Variants in NEGR1 observed in about 807,000 individuals in gnomAD.
NEGR1 encodes the protein neuronal growth regulator 1.
In NEGR1, 10 loss-of-function variants were observed where a neutral mutation model predicts 40.9. The observed-to-expected ratio is 0.24, with a 90% CI of 0.15 to 0.42. NEGR1 has a LOEUF of 0.42. Ranked by LOEUF, NEGR1 falls within the 10% of genes least tolerant of loss-of-function variation. The probability of loss-of-function intolerance (pLI) is 1.00; values close to 1 mark genes in which losing one functional copy is unlikely to be tolerated. For missense variants in NEGR1, 352 were observed against 438.9 expected, an observed-to-expected ratio of 0.80 and a Z score of 1.77; for synonymous variants, 185 against 166.8, an observed-to-expected ratio of 1.11 and a Z score of -0.84.
At chr1:71,980,140 T>A (rs1469374993) in intron 1 of NEGR1, among the ~76,000 whole-genome samples, 1 of 152,002 alleles carries the variant, frequency 6.6e-6, no homozygotes, top group South Asian at 2.1e-4. Context: ...CAGACAGAAA[T>A]AGCCACAAGA....
At chr1:72,262,856 T>G (rs2100547420) in intron 1 of NEGR1, among the ~76,000 whole-genome samples, 1 of 152,066 alleles carries the variant, frequency 6.6e-6, no homozygotes, top group East Asian at 1.9e-4. Context: ...ATTTATTATG[T>G]GCATACCATA....
intron 6 of NEGR1, among the ~76,000 whole-genome samples, chr1:71,564,279 C>A (rs1446567134): frequency 6.6e-6 from 1 of 152,038 alleles, no homozygotes; most frequent in African/African-American, 2.4e-5. Flanking sequence ...ACATTATCAT[C>A]ACCACATACA....
At chr1:71,485,962 C>A (rs1006219085) in intron 6 of NEGR1, among the ~76,000 whole-genome samples, 1 of 151,490 alleles carries the variant, frequency 6.6e-6, no homozygotes, top group Non-Finnish European at 1.5e-5. Flanking sequence ...CCAAGGAGTG[C>A]AAATTTCTGG....
chr1:71,625,422 A>G lies in NEGR1; in HGVS notation c.668-14276T>C, dbSNP rs187090709. On this transcript the variant is annotated intron_variant, in intron 4 of 6. Transcript: ENST00000357731. The stretch of plus-strand genomic sequence containing the variant: ...TACAATAATAAAGCTACAACTAAAA[A>G]CAATACAGTGTAACAGCTATTTATA... Among the ~76,000 whole-genome samples the G allele has an allele frequency of 1.5e-3, 223 of 152,142 alleles. 1 individual carries two copies. The highest frequency in any genetic ancestry group is 3.3e-3 in the East Asian group (17 of 5,158).
At chr1:71,670,576 G>T (rs954661175) in intron 4 of NEGR1, among the ~76,000 whole-genome samples, 1 of 150,784 alleles carries the variant, frequency 6.6e-6, no homozygotes, top group South Asian at 2.1e-4. Flanking sequence ...TTTTTTTTGA[G>T]ATGGGGGTCT....
chr1:72,008,331 A>T (rs1356283232), intron 1 of NEGR1, among the ~76,000 whole-genome samples: 1 of 152,138 alleles, frequency 6.6e-6, no homozygotes, highest in African/African-American at 2.4e-5. Context: ...TTCCATCATT[A>T]AAAAGAAAGG....
chr1:72,133,604 T>C (rs972944169), intron 1 of NEGR1, among the ~76,000 whole-genome samples: 16 of 151,906 alleles, frequency 1.1e-4, no homozygotes, highest in Admixed American at 6.6e-5. Flanking sequence ...AATTCCCTCA[T>C]ATTTGAACTA....
intron 1 of NEGR1, among the ~76,000 whole-genome samples, chr1:72,122,408 C>T (rs1006168418): frequency 2.6e-5 from 4 of 151,218 alleles, no homozygotes; most frequent in African/African-American, 4.9e-5. Context: ...TCATATTTGG[C>T]AAAAAAAACT....
At chr1:71,765,376 A>G (rs1656085312) in intron 3 of NEGR1, among the ~76,000 whole-genome samples, 1 of 152,222 alleles carries the variant, frequency 6.6e-6, no homozygotes, top group Admixed American at 6.5e-5. Context: ...GGATGCAGAA[A>G]AACTTTCCAA....
chr1:72,143,920 T>TATATATATATC (rs1557548495), intron 1 of NEGR1, among the ~76,000 whole-genome samples: 8 of 105,242 alleles, frequency 7.6e-5, no homozygotes, highest in African/African-American at 4.0e-4. Context: ...ATATAATATA[T>TATATATATATC]ATATATATAT....
chr1:72,251,283 A>C (rs1398976101), intron 1 of NEGR1, among the ~76,000 whole-genome samples: 1 of 152,194 alleles, frequency 6.6e-6, no homozygotes, highest in Non-Finnish European at 1.5e-5. Context: ...TGATTTTTGA[A>C]GTAACTACTT....
rs1291655286 is a variant in NEGR1, at chr1:71,589,623, A to G, written c.940+3194T>C. On this transcript the variant is annotated intron_variant, in intron 6 of 6. Transcript: ENST00000357731. Reference sequence around the variant, plus strand: ...AATTTCATGCAAACTAAACATTAGCAGTTATCTAGATCCTTGCAACTCCCT... The same window carrying G: ...AATTTCATGCAAACTAAACATTAGCGGTTATCTAGATCCTTGCAACTCCCT... Among the ~76,000 whole-genome samples, 3 of 152,144 alleles carry G rather than the reference A, an allele frequency of 2.0e-5. No individual in the cohort carries two copies. In the East Asian group the frequency reaches 5.8e-4, roughly 29 times the overall value.
rs184390261 is a variant in NEGR1 at position 72,269,834 on chromosome 1, T to C, written c.176+12485A>G. ...AATGCATGTGACCTTTTAATATATA[T>C]GCATATATAATATATAGCATGTACA... On this transcript the variant is annotated intron_variant, in intron 1 of 6. Coordinates refer to ENST00000357731, the MANE Select transcript of NEGR1 (RefSeq NM_173808.3). Among the ~76,000 whole-genome samples, 5 of 151,830 alleles carry C rather than the reference T, an allele frequency of 3.3e-5. No individual in the cohort carries two copies. In the East Asian group the frequency reaches 9.7e-4, roughly 30 times the overall value.
Position 72,238,435 on chromosome 1 carries a change from C to T in NEGR1, c.176+43884G>A, listed in dbSNP as rs187630083. The stretch of plus-strand genomic sequence containing the variant: ...TGATTCAGGAAATATTTACTTATTA[C>T]CTTCAATGTGTTAGGCTTATGACAT... On this transcript the variant is annotated intron_variant, in intron 1 of 6. Transcript: ENST00000357731. Among the ~76,000 whole-genome samples the T allele has an allele frequency of 5.9e-5, 9 of 151,888 alleles. No homozygotes were observed. In the South Asian group the frequency reaches 1.0e-3, roughly 18 times the overall value.
At chr1:71,777,322 T>C (rs1656548061) in intron 2 of NEGR1, among the ~76,000 whole-genome samples, 1 of 152,130 alleles carries the variant, frequency 6.6e-6, no homozygotes. Flanking sequence ...AGTCACTACA[T>C]GTTAAAGGAC....
intron 4 of NEGR1, among the ~76,000 whole-genome samples, chr1:71,681,747 C>T (rs975226954): frequency 1.3e-5 from 2 of 152,116 alleles, no homozygotes; most frequent in African/African-American, 4.8e-5. Flanking sequence ...ATACTTTATA[C>T]ATTTTAGACA....
intron 6 of NEGR1, among the ~76,000 whole-genome samples, chr1:71,558,700 C>T (rs1006475358): frequency 6.7e-6 from 1 of 149,212 alleles, no homozygotes; most frequent in Non-Finnish European, 1.5e-5. Flanking sequence ...TTCTGACATG[C>T]ACCTCATCCT....
At chr1:72,146,685 A>G (rs1461262643) in intron 1 of NEGR1, among the ~76,000 whole-genome samples, 1 of 152,200 alleles carries the variant, frequency 6.6e-6, no homozygotes, top group East Asian at 1.9e-4. Context: ...CTTTACATAT[A>G]TGCAAATATA....
intron 1 of NEGR1, among the ~76,000 whole-genome samples, chr1:72,229,019 T>C (rs1265330046): frequency 1.3e-5 from 2 of 152,108 alleles, no homozygotes; most frequent in Admixed American, 1.3e-4. Flanking sequence ...TCCTGTTCCA[T>C]GCCTCTCTCT....
Sources: gnomAD v4.1 joint callset for allele counts (sites outside exome capture counted in the v4.1 genomes callset) on GRCh38, gnomAD v4.1.1 for gene constraint, MANE v1.5 for transcripts, NCBI Gene and HGNC (gene_info 2026-07-23, HGNC 2026-07-21) for gene names.